Variants in IFNGR2 observed in about 807,000 individuals in gnomAD.
IFNGR2 encodes IFN-gamma receptor 2.
IFNGR2 carries 15 observed loss-of-function variants against 41.1 expected under a neutral mutation model. The ratio of observed to expected loss-of-function variants is 0.37; its 90% CI spans 0.24 to 0.56. The LOEUF is 0.56. Among genes scored for constraint, IFNGR2 ranks in the 20% least tolerant of loss-of-function variants. The probability of loss-of-function intolerance (pLI) is 0.81; values close to 1 mark genes in which losing one functional copy is unlikely to be tolerated. For missense variants in IFNGR2, 362 were observed against 415.7 expected, an observed-to-expected ratio of 0.87 and a Z score of 1.12; for synonymous variants, 161 against 171.6, an observed-to-expected ratio of 0.94 and a Z score of 0.48.
At chr21:33,425,888 G>T (rs1053297560) in intron 3 of IFNGR2, among the ~76,000 whole-genome samples, 12 of 152,236 alleles carry the variant, frequency 7.9e-5, no homozygotes, top group African/African-American at 2.9e-4. Flanking sequence ...ACAGTGACAG[G>T]ATTGTCTCCT....
rs550563744 is a variant in IFNGR2 at position 33,420,953 on chromosome 21, T to C, written c.207-527T>C. The stretch of plus-strand genomic sequence containing the variant: ...GGCTCACGCTTGTAATTTCAGCACT[T>C]TGGGAGGCCGAGGTGGGCGGATCAC... On this transcript the variant is annotated intron_variant, in intron 2 of 6. Transcript: ENST00000290219. Among the ~76,000 whole-genome samples the C allele has an allele frequency of 2.0e-4, 31 of 152,144 alleles. No homozygotes were observed. In the East Asian group the frequency reaches 6.0e-3, roughly 29 times the overall value.
At chr21:33,421,965 T>C (rs2083796737) in intron 3 of IFNGR2, among the ~76,000 whole-genome samples, 1 of 152,236 alleles carries the variant, frequency 6.6e-6, no homozygotes, top group Admixed American at 6.5e-5. Flanking sequence ...CCATCTTTTA[T>C]TGTGTCTATG....
Position 33,427,841 on chromosome 21 carries a change from C to CTTTTTTT in IFNGR2, c.561+809_561+810insTTTTTTT, listed in dbSNP as rs2083851840. 2.3e-4 allele frequency among the ~76,000 whole-genome samples: 27 copies of CTTTTTTT among 116,908 alleles called. 5 individuals are homozygous for CTTTTTTT. The highest frequency in any genetic ancestry group is 5.2e-4 in the East Asian group (2 of 3,838). The allele number at this position is 116,908 out of a possible 152,430, so 76.7% of individuals were successfully genotyped here. On this transcript the variant is annotated intron_variant, in intron 4 of 6. Transcript: ENST00000290219. ...GAATTTTAGATACTTCATCTCATTT[C>CTTTTTTT]ATCTTTTTTTTTTTTTTTTTTTTGA...
chr21:33,436,788 TG>T, intron 6 of IFNGR2, 39 bp from the exon 7 acceptor site: 1 of 1,588,574 alleles, frequency 6.3e-7, no homozygotes, highest in Non-Finnish European at 8.6e-7. Context: ...TATACTGAAC[TG>T]GTAAACTAAT....
Position 33,403,452 on chromosome 21 carries a change from G to T in IFNGR2, c.-92G>T. 1.3e-6 allele frequency: 1 copy of T among 781,280 alleles called. No homozygotes were observed. The highest frequency in any genetic ancestry group is 1.6e-6 in the Non-Finnish European group (1 of 620,890). The allele number at this position is 781,280 out of a possible 1,614,324, so 48.4% of individuals were successfully genotyped here. On this transcript the variant is annotated 5_prime_UTR_variant, in exon 1 of 7. Coordinates refer to ENST00000290219, the MANE Select transcript of IFNGR2 (RefSeq NM_005534.4). Reference sequence around the variant, plus strand: ...GGCGGGCCCTGCGCGCCCTGCGCTCGCCATGGCGGTTTGGGCGGCGACGTG... The same window carrying T: ...GGCGGGCCCTGCGCGCCCTGCGCTCTCCATGGCGGTTTGGGCGGCGACGTG...
At position 33,423,452 on chromosome 21, in the gene IFNGR2, G is replaced by A. The variant is rs533516060; in HGVS notation, c.412+1767G>A. Among the ~76,000 whole-genome samples the A allele has an allele frequency of 2.0e-5, 3 of 152,120 alleles. No individual in the cohort carries two copies. The East Asian group carries it at 5.8e-4, about 29-fold the overall frequency. On this transcript the variant is annotated intron_variant, in intron 3 of 6. Transcript: ENST00000290219. ...CTGTCGCCCAGGCTGGCGTGCAGTG[G>A]TGCAGTCTCGGCTCACTGCAACCTC...
intron 3 of IFNGR2, among the ~76,000 whole-genome samples, chr21:33,426,494 G>A (rs1488499172): frequency 6.6e-6 from 1 of 151,414 alleles, no homozygotes; most frequent in East Asian, 2.0e-4. Context: ...TGAGGTGGGC[G>A]GATCACGAGG....
chr21:33,406,312 T>C (rs530351758), intron 1 of IFNGR2, among the ~76,000 whole-genome samples: 3 of 148,782 alleles, frequency 2.0e-5, no homozygotes, highest in Non-Finnish European at 4.5e-5. Context: ...GGAGGGGAGG[T>C]TGCAGTGAGC....
chr21:33,434,886 T>C (rs1475902894), intron 6 of IFNGR2, among the ~76,000 whole-genome samples: 2 of 152,184 alleles, frequency 1.3e-5, no homozygotes, highest in East Asian at 3.8e-4. Flanking sequence ...ATGAATATAC[T>C]ATGAGTCATT....
At chr21:33,407,161 A>G (rs1488127839) in intron 1 of IFNGR2, among the ~76,000 whole-genome samples, 2 of 152,128 alleles carry the variant, frequency 1.3e-5, no homozygotes, top group Non-Finnish European at 2.9e-5. Flanking sequence ...TAAGGCTTCT[A>G]TTTGTAATTG....
chr21:33,431,732 A>G (rs2083889899), intron 4 of IFNGR2, among the ~76,000 whole-genome samples: 1 of 152,120 alleles, frequency 6.6e-6, no homozygotes. Context: ...CACCACATCC[A>G]GCTAATTTTT....
At chr21:33,433,814 T>C (rs2083915828) in intron 6 of IFNGR2, among the ~76,000 whole-genome samples, 1 of 151,550 alleles carries the variant, frequency 6.6e-6, no homozygotes, top group Admixed American at 6.6e-5. Flanking sequence ...TGGCATGGGG[T>C]TGGCTAAAAA....
At chr21:33,426,579 T>C (rs995291916) in intron 3 of IFNGR2, among the ~76,000 whole-genome samples, 1 of 151,436 alleles carries the variant, frequency 6.6e-6, no homozygotes, top group African/African-American at 2.4e-5. Flanking sequence ...TAGCCAGGCA[T>C]GGTGGCACAC....
At chr21:33,425,612 G>A (rs2083829722) in intron 3 of IFNGR2, among the ~76,000 whole-genome samples, 1 of 152,238 alleles carries the variant, frequency 6.6e-6, no homozygotes, top group Admixed American at 6.5e-5. Context: ...GTGTGCTGGT[G>A]TCCCTGGGCA....
intron 4 of IFNGR2, among the ~76,000 whole-genome samples, chr21:33,431,524 C>A (rs896105130): frequency 1.3e-5 from 2 of 152,062 alleles, no homozygotes; most frequent in Non-Finnish European, 2.9e-5. Context: ...GAGCCGAGGT[C>A]GCACCATTGC....
chr21:33,432,389 A>G (rs2083897665), intron 5 of IFNGR2, 53 bp downstream of exon 5: 2 of 1,534,230 alleles, frequency 1.3e-6, no homozygotes, highest in Non-Finnish European at 1.8e-6. Context: ...ATACTCCTCC[A>G]ATAGTGAAAT....
intron 5 of IFNGR2, 188 bp downstream of exon 5, chr21:33,432,524 CTT>C (rs2083898949): frequency 7.1e-6 from 6 of 843,140 alleles, no homozygotes; most frequent in Middle Eastern, 6.1e-4. Flanking sequence ...ACAGCTACCA[CTT>C]GCTTTATTTC....
At chr21:33,410,878 C>A in intron 1 of IFNGR2, 1 of 1,546,332 alleles carries the variant, frequency 6.5e-7, no homozygotes, top group Non-Finnish European at 8.7e-7. Flanking sequence ...TGCAATGATT[C>A]AGCAGCTACT....
intron 3 of IFNGR2, among the ~76,000 whole-genome samples, chr21:33,425,110 G>A (rs1281292020): frequency 6.6e-6 from 1 of 152,102 alleles, no homozygotes; most frequent in African/African-American, 2.4e-5. Flanking sequence ...AGTAGAAACG[G>A]CATTTCTCCA....
Sources: allele counts gnomAD v4.1 joint callset (sites outside exome capture counted in the v4.1 genomes callset), GRCh38; gene constraint gnomAD v4.1.1; transcripts MANE v1.5; gene names NCBI Gene and HGNC (gene_info 2026-07-23, HGNC 2026-07-21).